The following RASSF3 variants were observed in gnomAD, a reference collection of about 807,000 sequenced individuals.
RASSF3 encodes Ras association domain family member 3.
Under a neutral mutation model 19.9 loss-of-function variants are expected in RASSF3, and 19 were observed. That is an observed-to-expected ratio of 0.96 (90% CI 0.67 to 1.40). The LOEUF (loss-of-function observed/expected upper bound fraction) is 1.40. RASSF3 is among the 40% of genes most tolerant of loss of function. The probability of loss-of-function intolerance (pLI) is 0.00; values close to 1 mark genes in which losing one functional copy is unlikely to be tolerated. For synonymous variants in RASSF3, 110 were observed against 104.2 expected (o/e 1.06, Z -0.34); for missense variants, 306 against 289.8 (o/e 1.06, Z -0.41).
intron 1 of RASSF3, among the ~76,000 whole-genome samples, chr12:64,513,524 A>G (rs947369687): frequency 6.6e-6 from 1 of 151,924 alleles, no homozygotes; most frequent in Non-Finnish European, 1.5e-5. Flanking sequence ...ATCTCAGGAG[A>G]TATATAATAA....
At chr12:64,542,403 G>A (rs1472093870), downstream of RASSF3, among the ~76,000 whole-genome samples, 5 of 152,144 alleles carry the variant, frequency 3.3e-5, no homozygotes, top group Non-Finnish European at 7.3e-5. Context: ...ACTGGTTAAA[G>A]CAAAGATCTT....
intron 2 of RASSF3, chr12:64,575,877 G>T (rs1010120116): frequency 1.1e-4 from 16 of 150,316 alleles, no homozygotes; most frequent in African/African-American, 3.2e-4. Flanking sequence ...GAAAATTCTC[G>T]ACAGATTTTT....
At chr12:64,634,961 T>C (rs1222168456) in intron 1 of RASSF3, among the ~76,000 whole-genome samples, 1 of 135,518 alleles carries the variant, frequency 7.4e-6, no homozygotes, top group Non-Finnish European at 1.6e-5. Flanking sequence ...TCTTTTCTTT[T>C]CTTTTCTTTT....
chr12:64,650,640 C>T (rs1871917724), intron 1 of RASSF3, among the ~76,000 whole-genome samples: 1 of 152,052 alleles, frequency 6.6e-6, no homozygotes, highest in Admixed American at 6.6e-5. Flanking sequence ...TGGTCTCGAA[C>T]TCCTGACCTT....
intron 1 of RASSF3, among the ~76,000 whole-genome samples, chr12:64,540,789 G>A (rs1868921554): frequency 6.6e-6 from 1 of 152,098 alleles, no homozygotes; most frequent in Admixed American, 6.6e-5. Context: ...CACTGCGTTT[G>A]GTGACAGGGT....
intron 2 of RASSF3, among the ~76,000 whole-genome samples, chr12:64,565,220 G>A (rs1011980068): frequency 2.6e-5 from 4 of 151,176 alleles, no homozygotes; most frequent in African/African-American, 7.3e-5. Context: ...TGTCCAACTT[G>A]GAGACTGTTA....
At chr12:64,556,876 G>A (rs368083224) in intron 2 of RASSF3, among the ~76,000 whole-genome samples, 8 of 123,838 alleles carry the variant, frequency 6.5e-5, no homozygotes, top group East Asian at 2.5e-4. Flanking sequence ...TTGCTCCGTC[G>A]CCCAGGCTGA....
chr12:64,537,995 CT>C (rs1306662084), intron 1 of RASSF3, among the ~76,000 whole-genome samples: 3,741 of 143,882 alleles, frequency 0.026, 141 homozygotes, highest in African/African-American at 0.084. Flanking sequence ...CTCGCCTCCT[CT>C]TTTTTTTTTT....
Position 64,581,053 on chromosome 12 carries a change from A to G in RASSF3, c.294+39348A>G, listed in dbSNP as rs139746045. Among the ~76,000 whole-genome samples, 192 of 152,086 alleles carry G rather than the reference A, an allele frequency of 1.3e-3. 1 individual carries two copies. Among genetic ancestry groups the G allele is most frequent in the African/African-American group, 4.5e-3 (188 of 41,458 alleles). On this transcript the variant is annotated intron_variant, in intron 2 of 5. Coordinates refer to the RASSF3 transcript ENST00000637125. ...TTATACATCATATATATTTACATATATATGTAAAACCTATGTATTGAATCA... is the reference window on the plus strand; with the variant it reads ...TTATACATCATATATATTTACATATGTATGTAAAACCTATGTATTGAATCA...
intron 2 of RASSF3, among the ~76,000 whole-genome samples, chr12:64,558,445 T>A (rs958082453): frequency 1.3e-5 from 2 of 152,338 alleles, no homozygotes; most frequent in South Asian, 4.1e-4. Flanking sequence ...TCCAGCCACA[T>A]GCCTCTATTC....
chr12:64,643,614 G>A (rs1871625003), intron 1 of RASSF3, among the ~76,000 whole-genome samples: 1 of 151,718 alleles, frequency 6.6e-6, no homozygotes, highest in South Asian at 2.1e-4. Context: ...CATGTATAAT[G>A]TATCATTAAA....
intron 2 of RASSF3, among the ~76,000 whole-genome samples, chr12:64,566,587 A>G (rs1869435806): frequency 6.6e-6 from 1 of 152,204 alleles, no homozygotes; most frequent in Admixed American, 6.5e-5. Flanking sequence ...GAGGTGAAAA[A>G]GTAGAGGATA....
intron 1 of RASSF3, among the ~76,000 whole-genome samples, chr12:64,681,527 T>A (rs1226300665): frequency 1.3e-5 from 2 of 152,200 alleles, no homozygotes; most frequent in African/African-American, 4.8e-5. Flanking sequence ...CCCTGCCAAC[T>A]TCCCATCCCA....
chr12:64,676,571 A>G (rs1297527523), intron 1 of RASSF3, among the ~76,000 whole-genome samples: 1 of 147,752 alleles, frequency 6.8e-6, no homozygotes, highest in Non-Finnish European at 1.5e-5. Flanking sequence ...TCCTGGGTTC[A>G]AGTGATTCTC....
At chr12:64,562,769 T>C (rs1158594603) in intron 2 of RASSF3, among the ~76,000 whole-genome samples, 3 of 152,038 alleles carry the variant, frequency 2.0e-5, no homozygotes, top group African/African-American at 7.2e-5. Context: ...TACAGGTGTA[T>C]GCCACCACAC....
intron 1 of RASSF3, among the ~76,000 whole-genome samples, chr12:64,527,983 G>A (rs529773191): frequency 5.8e-4 from 89 of 152,214 alleles, no homozygotes; most frequent in African/African-American, 2.1e-3. Flanking sequence ...TACAGGCCAG[G>A]TGTGGTGGCT....
At chr12:64,543,434 C>CCCGCCCCCCAGCTCCCCGCCTG (rs1565836086), downstream of RASSF3, among the ~76,000 whole-genome samples, 2 of 59,566 alleles carry the variant, frequency 3.4e-5, no homozygotes, top group Admixed American at 2.6e-4. Flanking sequence ...TCCCCGCCCG[C>CCCGCCCCCCAGCTCCCCGCCTG]CCCCCCCGTG....
chr12:64,514,025 G>A (rs1868344548), intron 1 of RASSF3, among the ~76,000 whole-genome samples: 1 of 149,012 alleles, frequency 6.7e-6, no homozygotes, highest in African/African-American at 2.5e-5. Flanking sequence ...GATTTCAGGA[G>A]CACGCCACCA....
chr12:64,624,915 C>G (rs576962354), intron 1 of RASSF3, among the ~76,000 whole-genome samples: 1 of 151,920 alleles, frequency 6.6e-6, no homozygotes, highest in Non-Finnish European at 1.5e-5. Flanking sequence ...GATCTGCCCG[C>G]CTCGGCCTCC....
Sources: gnomAD v4.1 joint callset for allele counts (sites outside exome capture counted in the v4.1 genomes callset) on GRCh38, gnomAD v4.1.1 for gene constraint, MANE v1.5 for transcripts, NCBI Gene and HGNC (gene_info 2026-07-23, HGNC 2026-07-21) for gene names.